TMEM131L: variants seen among roughly 807,000 people sequenced by gnomAD.
TMEM131L encodes transmembrane 131 like.
In TMEM131L, 54 loss-of-function variants were observed where a neutral mutation model predicts 192.2. That is an observed-to-expected ratio of 0.28 (90% confidence interval 0.23 to 0.35). The LOEUF is 0.35. Among genes scored for constraint, TMEM131L ranks in the 10% least tolerant of loss-of-function variants. The pLI, the probability that TMEM131L is intolerant of heterozygous loss-of-function variation, is 1.00. For synonymous variants in TMEM131L, 701 were observed against 704.9 expected, an observed-to-expected ratio of 0.99 and a Z score of 0.09; for missense variants, 1,888 against 1,972.9, an observed-to-expected ratio of 0.96 and a Z score of 0.82.
At chr4:153,486,801 C>T (rs1036148346) in intron 3 of TMEM131L, among the ~76,000 whole-genome samples, 1 of 152,246 alleles carries the variant, frequency 6.6e-6, no homozygotes, top group African/African-American at 2.4e-5. Context: ...GGTGGAACCA[C>T]GTGATCAGCT....
intron 7 of TMEM131L, among the ~76,000 whole-genome samples, chr4:153,570,324 G>A (rs1414120082): frequency 2.0e-5 from 3 of 152,186 alleles, no homozygotes; most frequent in African/African-American, 4.8e-5. Context: ...CCAAAGAGAG[G>A]GAAGGAAGTT....
chr4:153,477,351 A>T (rs538570003), intron 3 of TMEM131L, among the ~76,000 whole-genome samples: 59 of 152,274 alleles, frequency 3.9e-4, no homozygotes, highest in African/African-American at 1.4e-3. Context: ...CTGCAGACCC[A>T]GGTGTGGGTG....
In TMEM131L at chr4:153,472,375, G is replaced by A. The variant is rs141398599; in HGVS notation, c.196-1470G>A. On this transcript the variant is annotated intron_variant, in intron 2 of 34. Transcript: ENST00000409959. Reference sequence around the variant, plus strand: ...TGTGTCTGAGGGGAAAGCATGTCATGTTCTATTTTGATTTAGAAAAAGTTG... The same window carrying A: ...TGTGTCTGAGGGGAAAGCATGTCATATTCTATTTTGATTTAGAAAAAGTTG... Among the ~76,000 whole-genome samples, 45 of 152,254 alleles carry A rather than the reference G, an allele frequency of 3.0e-4. No individual in the cohort carries two copies. The South Asian group carries it at 3.3e-3, about 11-fold the overall frequency.
chr4:153,471,080 TG>T (rs1731128628), intron 2 of TMEM131L, among the ~76,000 whole-genome samples: 1 of 151,874 alleles, frequency 6.6e-6, no homozygotes, highest in South Asian at 2.1e-4. Flanking sequence ...CTCCGCCTCC[TG>T]GGTTCAAGTG....
chr4:153,588,329 A>G (rs574705808), intron 15 of TMEM131L, among the ~76,000 whole-genome samples: 1 of 139,170 alleles, frequency 7.2e-6, no homozygotes, highest in Non-Finnish European at 1.5e-5. Context: ...GGAGAGTTTT[A>G]AAGTATAGTT....
chr4:153,572,901 T>C (rs74960712), intron 7 of TMEM131L, among the ~76,000 whole-genome samples: 1,579 of 152,292 alleles, frequency 0.01, 29 homozygotes, highest in African/African-American at 0.036. Flanking sequence ...ACTATTCTAC[T>C]TTCTGTCTCT....
intron 16 of TMEM131L, among the ~76,000 whole-genome samples, chr4:153,590,497 A>G (rs1309797019): frequency 1.3e-5 from 2 of 152,230 alleles, no homozygotes; most frequent in African/African-American, 2.4e-5. Flanking sequence ...TAATTAATAA[A>G]TCTGTGCTGT....
intron 3 of TMEM131L, among the ~76,000 whole-genome samples, chr4:153,513,993 A>G (rs1201288383): frequency 6.6e-6 from 1 of 151,986 alleles, no homozygotes; most frequent in Non-Finnish European, 1.5e-5. Context: ...GATAAGTCTC[A>G]TTTTTTTTCT....
chr4:153,503,707 C>T (rs1042705482), intron 3 of TMEM131L, among the ~76,000 whole-genome samples: 51 of 152,056 alleles, frequency 3.4e-4, no homozygotes, highest in Non-Finnish European at 1.0e-4. Context: ...CGGGGTTTTA[C>T]CAGAAGCAGA....
At chr4:153,580,411 A>G (rs1730254169) in intron 7 of TMEM131L, among the ~76,000 whole-genome samples, 1 of 152,148 alleles carries the variant, frequency 6.6e-6, no homozygotes, top group African/African-American at 2.4e-5. Flanking sequence ...TACTGATGGA[A>G]GGCACACTTA....
chr4:153,551,500 G>T (rs191921979), intron 4 of TMEM131L, among the ~76,000 whole-genome samples: 24 of 152,166 alleles, frequency 1.6e-4, no homozygotes, highest in African/African-American at 5.5e-4. Context: ...TGGGACTATG[G>T]GTGCCCGCCA....
At chr4:153,617,723 C>G (rs1199793942) in intron 26 of TMEM131L, among the ~76,000 whole-genome samples, 2 of 152,352 alleles carry the variant, frequency 1.3e-5, no homozygotes, top group Non-Finnish European at 2.9e-5. Context: ...CTTCCCCAGC[C>G]ATTTCCTAGT....
intron 25 of TMEM131L, among the ~76,000 whole-genome samples, chr4:153,608,056 G>A (rs899419670): frequency 6.6e-6 from 1 of 152,122 alleles, no homozygotes; most frequent in East Asian, 1.9e-4. Flanking sequence ...AGGAGGTCAA[G>A]GCTGCAGTGA....
intron 3 of TMEM131L, among the ~76,000 whole-genome samples, chr4:153,500,340 C>T (rs771529602): frequency 5.3e-5 from 8 of 152,172 alleles, no homozygotes; most frequent in Non-Finnish European, 7.4e-5. Flanking sequence ...TCCTTGGGCT[C>T]GAGTAATCCT....
chr4:153,529,108 TTG>T (rs1735709064), intron 3 of TMEM131L, among the ~76,000 whole-genome samples: 1 of 152,134 alleles, frequency 6.6e-6, no homozygotes, highest in Non-Finnish European at 1.5e-5. Flanking sequence ...CTGGGAGGTT[TTG>T]TGATTAATTT....
At chr4:153,520,300 A>G (rs961596866) in intron 3 of TMEM131L, among the ~76,000 whole-genome samples, 3 of 152,156 alleles carry the variant, frequency 2.0e-5, no homozygotes, top group South Asian at 2.1e-4. Flanking sequence ...GCGTTAAAAA[A>G]GAAAAAAAAA....
intron 4 of TMEM131L, among the ~76,000 whole-genome samples, chr4:153,551,781 A>AT (rs1561184549): frequency 6.6e-6 from 1 of 152,190 alleles, no homozygotes; most frequent in Non-Finnish European, 1.5e-5. Context: ...GAGTTTTTAT[A>AT]TTTTTACTCT....
intron 3 of TMEM131L, among the ~76,000 whole-genome samples, chr4:153,534,527 G>A (rs970488229): frequency 3.3e-5 from 5 of 152,078 alleles, no homozygotes; most frequent in African/African-American, 9.7e-5. Flanking sequence ...TTTGCCTCCC[G>A]GGTTCAAGCG....
chr4:153,475,946 C>A (rs528761595), intron 3 of TMEM131L, among the ~76,000 whole-genome samples: 141 of 152,240 alleles, frequency 9.3e-4, no homozygotes, highest in African/African-American at 3.3e-3. Context: ...TGTACTAATA[C>A]AAATTGTATT....
Sources: gnomAD v4.1 joint callset for allele counts (sites outside exome capture counted in the v4.1 genomes callset) on GRCh38, gnomAD v4.1.1 for gene constraint, MANE v1.5 for transcripts, NCBI Gene and HGNC (gene_info 2026-07-23, HGNC 2026-07-21) for gene names.